The following NHLRC2 variants were observed in gnomAD, a reference collection of about 807,000 sequenced individuals.
The protein encoded by NHLRC2 is NHL repeat containing 2.
Under a neutral mutation model 68.1 loss-of-function variants are expected in NHLRC2, and 33 were observed. That is an observed-to-expected ratio of 0.48 (90% CI 0.37 to 0.65). The LOEUF is 0.65. NHLRC2 is among the 30% of genes least tolerant of loss of function. The pLI is 0.00. For synonymous variants in NHLRC2, 311 were observed against 309.6 expected, an observed-to-expected ratio of 1.00 and a Z score of -0.05; for missense variants, 761 against 853.8, an observed-to-expected ratio of 0.89 and a Z score of 1.35.
In NHLRC2 at chr10:113,876,460, AGAT is replaced by A. The variant is rs2134706357; in HGVS notation, c.332-54_332-52del. 3 of 946,802 alleles carry A rather than the reference AGAT, an allele frequency of 3.2e-6. No homozygotes were observed. The South Asian group carries it at 5.3e-5, about 17-fold the overall frequency. The allele number at this position is 946,802 out of a possible 1,614,324, so 58.7% of individuals were successfully genotyped here. A position where few individuals can be genotyped will look rare whatever the true frequency, so the allele number is the denominator to read the frequency against. On this transcript the variant is annotated intron_variant, in intron 2 of 10. Coordinates refer to ENST00000369301, the MANE Select transcript of NHLRC2 (RefSeq NM_198514.4). ...ATTTGTGATCCAAAACCTAATGTGT[AGAT>A]GATGATATTCAAACTTAAATATTTA...
rs1166933117 is a variant in NHLRC2 at position 113,908,686 on chromosome 10, T to C, written c.*150T>C. The C allele has an allele frequency of 4.4e-6, 3 of 677,972 alleles. No individual in the cohort carries two copies. Among genetic ancestry groups the C allele is most frequent in the Non-Finnish European group, 7.4e-6 (3 of 406,868 alleles). The allele number at this position is 677,972 out of a possible 1,614,324, so 42.0% of individuals were successfully genotyped here. A position where few individuals can be genotyped will look rare whatever the true frequency, so the allele number is the denominator to read the frequency against. ...GACAACTGATATTAAAATAAAGCTATGCTCCTTACTTACTTCTTTTATTAT... is the reference window on the plus strand; with the variant it reads ...GACAACTGATATTAAAATAAAGCTACGCTCCTTACTTACTTCTTTTATTAT... On this transcript the variant is annotated 3_prime_UTR_variant, in exon 11 of 11. Coordinates refer to ENST00000369301, the MANE Select transcript of NHLRC2 (RefSeq NM_198514.4).
chr10:113,903,693 A>G lies in NHLRC2; in HGVS notation c.1661A>G (p.His554Arg). The part of the protein sequence containing the change: ...ELLYVADTNN[H>R]QIKVMDLETK... ...TTATATGTAGCAGACACCAATAATC[A>G]TCAAATTAAAGTGATGGATTTAGAA... Residue 554 changes from histidine to arginine, a missense_variant, in exon 9 of 11, where the codon CAT (histidine) becomes CGT (arginine). By Grantham distance (29) the His-to-Arg change is conservative. Coordinates refer to ENST00000369301, the MANE Select transcript of NHLRC2 (RefSeq NM_198514.4). 2 of 1,595,232 alleles carry G rather than the reference A, an allele frequency of 1.3e-6. No homozygotes were observed. Among genetic ancestry groups the G allele is most frequent in the African/African-American group, 1.3e-5 (1 of 74,660 alleles).
At chr10:113,860,783 A>G (rs1845808742) in intron 2 of NHLRC2, among the ~76,000 whole-genome samples, 1 of 152,242 alleles carries the variant, frequency 6.6e-6, no homozygotes, top group Admixed American at 6.5e-5. Context: ...CAGTGAGGAG[A>G]AACTCACTAC....
At chr10:113,881,288 A>G (rs1214571272) in intron 4 of NHLRC2, among the ~76,000 whole-genome samples, 1 of 151,740 alleles carries the variant, frequency 6.6e-6, no homozygotes, top group Admixed American at 6.6e-5. Context: ...AGTATTGACC[A>G]TGTGCTCCAT....
chr10:113,886,511 G>T (rs996812909), intron 5 of NHLRC2, among the ~76,000 whole-genome samples: 1 of 152,092 alleles, frequency 6.6e-6, no homozygotes, highest in African/African-American at 2.4e-5. Flanking sequence ...AATCAAAATG[G>T]CATGGTACTG....
chr10:113,880,427 G>C (rs1377506580), intron 4 of NHLRC2, among the ~76,000 whole-genome samples: 1 of 151,680 alleles, frequency 6.6e-6, no homozygotes, highest in Non-Finnish European at 1.5e-5. Flanking sequence ...GATGTACTCG[G>C]TTATTTCAGA....
At chr10:113,875,858 T>C (rs1368750743) in intron 2 of NHLRC2, among the ~76,000 whole-genome samples, 1 of 152,064 alleles carries the variant, frequency 6.6e-6, no homozygotes, top group East Asian at 1.9e-4. Context: ...GCTGTTATTA[T>C]CTCTACTACT....
chr10:113,879,717 T>C (rs755760730), intron 4 of NHLRC2, 22 bp downstream of exon 4: 13 of 1,395,322 alleles, frequency 9.3e-6, no homozygotes, highest in Non-Finnish European at 1.3e-5. Flanking sequence ...TTTAAATTTG[T>C]TTTAATACTT....
In NHLRC2 at chr10:113,881,580, C is replaced by G. The variant is rs533708609; in HGVS notation, c.909+1885C>G. ...TATAAATTCTCCTACTTCCCCATAC[C>G]CCCAACTCTCACTCCCCTTACATTA... On this transcript the variant is annotated intron_variant, in intron 4 of 10. Coordinates refer to ENST00000369301, the MANE Select transcript of NHLRC2 (RefSeq NM_198514.4). Among the ~76,000 whole-genome samples, 85 of 151,636 alleles carry G rather than the reference C, an allele frequency of 5.6e-4. 1 individual carries two copies. Among genetic ancestry groups the G allele is most frequent in the Admixed American group, 4.9e-3 (75 of 15,210 alleles).
In NHLRC2 at chr10:113,910,794, G is replaced by C. The variant is rs576263719; in HGVS notation, c.*2258G>C. The C allele has an allele frequency of 6.6e-6, 1 of 152,084 alleles. No homozygotes were observed. The highest frequency in any genetic ancestry group is 1.5e-5 in the Non-Finnish European group (1 of 68,006). 9.4% of individuals were successfully genotyped at this position (152,084 alleles called of 1,614,324 possible). On this transcript the variant is annotated 3_prime_UTR_variant, in exon 11 of 11. Transcript: ENST00000369301. ...TCTAGACAGTTTTAGGTTAGCCTTA[G>C]CTTATACTTTTCTTGACTTTCAAAA...
At position 113,913,476 on chromosome 10, in the gene NHLRC2, C is replaced by G. The variant is rs1290473077; in HGVS notation, c.*4940C>G. ...ATTTCAGATATTATCCAGAGTTTTT[C>G]TTGGCAGATGGATGTATTAAAAAAA... On this transcript the variant is annotated 3_prime_UTR_variant, in exon 11 of 11. Transcript: ENST00000369301. 6.6e-6 allele frequency: 1 copy of G among 152,044 alleles called. No homozygotes were observed. The highest frequency in any genetic ancestry group is 1.9e-4 in the East Asian group (1 of 5,180). 9.4% of individuals were successfully genotyped at this position (152,044 alleles called of 1,614,324 possible). A position where few individuals can be genotyped will look rare whatever the true frequency, so the allele number is the denominator to read the frequency against.
chr10:113,869,154 T>C (rs1845898562), intron 2 of NHLRC2, among the ~76,000 whole-genome samples: 1 of 152,208 alleles, frequency 6.6e-6, no homozygotes, highest in South Asian at 2.1e-4. Flanking sequence ...TTGTGCTCTC[T>C]GTGAATAGGA....
chr10:113,875,638 C>T (rs1845972568), intron 2 of NHLRC2, among the ~76,000 whole-genome samples: 1 of 152,184 alleles, frequency 6.6e-6, no homozygotes, highest in Admixed American at 6.5e-5. Flanking sequence ...CCCTGCTGTA[C>T]AATCTATCTG....
chr10:113,859,574 CCAGT>C (rs1452597040), intron 2 of NHLRC2, among the ~76,000 whole-genome samples: 1 of 152,082 alleles, frequency 6.6e-6, no homozygotes, highest in Non-Finnish European at 1.5e-5. Flanking sequence ...GTTAAAATTA[CCAGT>C]CAAATGATTT....
At chr10:113,900,797 A>G (rs985249429) in intron 6 of NHLRC2, among the ~76,000 whole-genome samples, 4 of 152,134 alleles carry the variant, frequency 2.6e-5, no homozygotes, top group African/African-American at 9.7e-5. Context: ...TACCTAACTT[A>G]TTATGGGAAC....
intron 5 of NHLRC2, among the ~76,000 whole-genome samples, chr10:113,896,493 A>G (rs1365377398): frequency 6.5e-5 from 8 of 122,956 alleles, no homozygotes; most frequent in Non-Finnish European, 1.6e-5. Context: ...AGGAAGGGGA[A>G]CATAACACTC....
chr10:113,914,222 C>T lies in NHLRC2; in HGVS notation c.*5686C>T. 6.5e-6 allele frequency: 1 copy of T among 152,718 alleles called. No individual in the cohort carries two copies. Among genetic ancestry groups the T allele is most frequent in the Non-Finnish European group, 1.5e-5 (1 of 68,748 alleles). 9.5% of individuals were successfully genotyped at this position (152,718 alleles called of 1,614,324 possible). A position where few individuals can be genotyped will look rare whatever the true frequency, so the allele number is the denominator to read the frequency against. ...GAGATGGAGTTTTGCTCTTGTTGCC[C>T]AGGCTGGAGTGCCATGGCAACACAG... On this transcript the variant is annotated 3_prime_UTR_variant, in exon 11 of 11. Transcript: ENST00000369301.
intron 2 of NHLRC2, among the ~76,000 whole-genome samples, chr10:113,872,761 T>TA (rs56279136): frequency 0.56 from 76,109 of 136,202 alleles, 22,168 homozygotes; most frequent in Admixed American, 0.71. Context: ...GAAAATGAGC[T>TA]AAAAAAAAAA....
At chr10:113,898,280 A>G in intron 6 of NHLRC2, 71 bp downstream of exon 6, 1 of 955,588 alleles carries the variant, frequency 1.0e-6, no homozygotes, top group East Asian at 2.6e-5. Context: ...TTTCAAAATC[A>G]CCATCCTCAC....
Sources: gnomAD v4.1 joint callset for allele counts (sites outside exome capture counted in the v4.1 genomes callset) on GRCh38, gnomAD v4.1.1 for gene constraint, MANE v1.5 for transcripts, NCBI Gene and HGNC (gene_info 2026-07-23, HGNC 2026-07-21) for gene names.